Variants in AMPD2 observed in about 807,000 individuals in gnomAD.
AMPD2 encodes adenosine monophosphate deaminase 2, also known as AMP deaminase 2.
AMPD2 carries 52 observed loss-of-function variants against 91.3 expected under a neutral mutation model. The ratio of observed to expected loss-of-function variants is 0.57; its 90% confidence interval spans 0.46 to 0.72. AMPD2 has a LOEUF of 0.72. Among genes scored for constraint, AMPD2 ranks in the 30% least tolerant of loss-of-function variants. The probability of loss-of-function intolerance (pLI) is 0.00; values close to 1 mark genes in which losing one functional copy is unlikely to be tolerated. For synonymous variants in AMPD2, 455 were observed against 456.4 expected (o/e 1.00, Z 0.04); for missense variants, 822 against 1,122.3 (o/e 0.73, Z 3.82).
At chr1:109,629,731 CAG>C (rs1000236889) in intron 15 of AMPD2, 63 bp from the exon 16 acceptor site, 2 of 1,530,940 alleles carry the variant, frequency 1.3e-6, no homozygotes, top group East Asian at 2.3e-5. Flanking sequence ...GGGTGGGGGT[CAG>C]GGGCTCCGGT....
At position 109,628,067 on chromosome 1, in the gene AMPD2, C is replaced by T. The variant is rs750778831; in HGVS notation, c.1081-16C>T. 7 of 1,610,906 alleles carry T rather than the reference C, an allele frequency of 4.3e-6. No homozygotes were observed. In the Admixed American group the frequency reaches 1.2e-4, roughly 27 times the overall value. On this transcript the variant is annotated splice_polypyrimidine_tract_variant and intron_variant, in intron 10 of 18. Transcript: ENST00000528667. The surrounding 1 kb of genome is among the most constrained non-coding windows in gnomAD (Gnocchi z 7.1). ...CCTGGCCTCTGGTGGATCAGCAGTG[C>T]CCTGTTCCATTCCAGGTGGACACCC... is the stretch of plus-strand genomic sequence containing the variant.
chr1:109,625,616 C>A lies in AMPD2; in HGVS notation c.223-46C>A. ...TCCCCAGACTCTGTAGGAGAGTGCC[C>A]GAGGGCGGAGGGCCAGCCATGCTGA... On this transcript the variant is annotated intron_variant, in intron 3 of 18. Transcript: ENST00000528667. This position sits in a 1 kb window ranked among gnomAD's most constrained non-coding sequence, Gnocchi z 4.0. The A allele has an allele frequency of 6.2e-7, 1 of 1,608,762 alleles. No homozygotes were observed. The highest frequency in any genetic ancestry group is 8.5e-7 in the Non-Finnish European group (1 of 1,176,154).
In AMPD2 at chr1:109,625,346, A is replaced by G. The variant is rs781265697; in HGVS notation, c.135A>G (p.Arg45=). The change falls in exon 3 of 19, where the codon CGA becomes CGG. Residue 45 remains arginine, a synonymous_variant. Coordinates refer to ENST00000528667, the MANE Select transcript of AMPD2 (RefSeq NM_001368809.2). The surrounding 1 kb of genome is among the most constrained non-coding windows in gnomAD (Gnocchi z 4.0). ...GLGAPPLQSA[R]SLPGPAPCLK... ...GGGCCCCTCCGCTGCAGTCTGCCCG[A>G]TCCCTGCCGGGCCCCGCCCCCTGCC... 3 of 1,613,214 alleles carry G rather than the reference A, an allele frequency of 1.9e-6. No homozygotes were observed. Among genetic ancestry groups the G allele is most frequent in the East Asian group, 4.5e-5 (2 of 44,832 alleles).
intron 15 of AMPD2, 25 bp from the exon 16 acceptor site, chr1:109,629,771 C>T (rs758086521): frequency 6.4e-7 from 1 of 1,566,004 alleles, no homozygotes; most frequent in Non-Finnish European, 8.7e-7. Context: ...GGCTCAGGAG[C>T]TGACACTGTC....
chr1:109,625,019 G>A lies in AMPD2; in HGVS notation c.92-284G>A, dbSNP rs140045578. 5.1e-4 allele frequency among the ~76,000 whole-genome samples: 77 copies of A among 152,280 alleles called. No homozygotes were observed. Among genetic ancestry groups the A allele is most frequent in the African/African-American group, 1.8e-3 (75 of 41,538 alleles). ...ACGTGGAGATTCTCATGGCCTGAGG[G>A]ATCAGGCTCTAGTCTCATTTGTGGA... On this transcript the variant is annotated intron_variant, in intron 2 of 18. Transcript: ENST00000528667. The surrounding 1 kb of genome is among the most constrained non-coding windows in gnomAD (Gnocchi z 4.0).
intron 18 of AMPD2, 35 bp from the exon 19 acceptor site, chr1:109,630,908 G>A (rs1052497879): frequency 6.2e-7 from 1 of 1,611,460 alleles, no homozygotes; most frequent in Non-Finnish European, 8.5e-7. Context: ...CTCAGCACTG[G>A]CTGCAGCCCT....
intron 2 of AMPD2, chr1:109,622,115 C>A (rs1051834748): frequency 2.3e-6 from 1 of 437,662 alleles, no homozygotes; most frequent in Non-Finnish European, 4.6e-6. Context: ...TGCCGACTGC[C>A]CCCACCCTTG....
rs1650655633 is a variant in AMPD2, at chr1:109,626,100, AC to A, written c.354-58del. 4 of 1,579,492 alleles carry A rather than the reference AC, an allele frequency of 2.5e-6. No individual in the cohort carries two copies. The East Asian group carries it at 9.0e-5, about 35-fold the overall frequency. On this transcript the variant is annotated intron_variant, in intron 4 of 18. Coordinates refer to ENST00000528667, the MANE Select transcript of AMPD2 (RefSeq NM_001368809.2). ...GCACAGCACCTAGTGCGGTGCTGGG[AC>A]CTGGGAGCAAGGGCCGTCCCTCGGG... is the stretch of plus-strand genomic sequence containing the variant.
Position 109,627,769 on chromosome 1 carries a change from C to T in AMPD2, c.951-5C>T, listed in dbSNP as rs778574749. 14 of 1,613,794 alleles carry T rather than the reference C, an allele frequency of 8.7e-6. No individual in the cohort carries two copies. The South Asian group carries it at 1.3e-4, about 15-fold the overall frequency. ...AAGTCCCTGCCTTGTTCTCCTCATG[C>T]CCAGAAAGTCATTCTGCTACCGCCG... is the stretch of plus-strand genomic sequence containing the variant. On this transcript the variant is annotated splice_polypyrimidine_tract_variant and splice_region_variant and intron_variant, in intron 9 of 18. Transcript: ENST00000528667.
At position 109,630,691 on chromosome 1, in the gene AMPD2, G is replaced by A; in HGVS notation, c.2166G>A (p.Leu722=). The stretch of plus-strand genomic sequence containing the variant: ...GAACCTGGCCCGTGCAGGAGCCGCT[G>A]ATGGAGGAGTACAGCATCGCCACCC... ...PLQFHFTKEP[L]MEEYSIATQV... Residue 722 remains leucine (L), a synonymous_variant, in exon 18 of 19, where the codon CTG becomes CTA. Transcript: ENST00000528667. 1.2e-6 allele frequency: 2 copies of A among 1,611,228 alleles called. No individual in the cohort carries two copies. Among genetic ancestry groups the A allele is most frequent in the Non-Finnish European group, 1.7e-6 (2 of 1,179,142 alleles).
rs1255257133 is a variant in AMPD2 at position 109,627,312 on chromosome 1, G to A, written c.856G>A (p.Glu286Lys). ...VHVYTRREPD[E>K]HCSEVELPYP... ...CGTCTACACCCGCAGGGAACCCGAC[G>A]AGCAGTAAGAGGGGTGTGGTGCATG... Residue 286 changes from glutamate to lysine, a missense_variant, in exon 8 of 19, where the codon GAG becomes AAG. Physicochemically the swap from Glu to Lys is moderately conservative, Grantham distance 56. This residue lies in a region of AMPD2 where 240 missense variants were observed against 270.3 expected (regional missense o/e 0.89). Coordinates refer to ENST00000528667, the MANE Select transcript of AMPD2 (RefSeq NM_001368809.2). 2 of 1,604,686 alleles carry A rather than the reference G, an allele frequency of 1.2e-6. No homozygotes were observed. Among genetic ancestry groups the A allele is most frequent in the East Asian group, 4.5e-5 (2 of 44,686 alleles).
chr1:109,628,069 C>T lies in AMPD2; in HGVS notation c.1081-14C>T. 1 of 1,611,584 alleles carries T rather than the reference C, an allele frequency of 6.2e-7. No individual in the cohort carries two copies. The highest frequency in any genetic ancestry group is 8.5e-7 in the Non-Finnish European group (1 of 1,178,596). On this transcript the variant is annotated splice_polypyrimidine_tract_variant and intron_variant, in intron 10 of 18. Transcript: ENST00000528667. The surrounding 1 kb of genome is among the most constrained non-coding windows in gnomAD (Gnocchi z 7.1). The stretch of plus-strand genomic sequence containing the variant: ...TGGCCTCTGGTGGATCAGCAGTGCC[C>T]TGTTCCATTCCAGGTGGACACCCAC...
At chr1:109,630,150 T>G in intron 16 of AMPD2, 83 bp from the exon 17 acceptor site, 2 of 1,487,560 alleles carry the variant, frequency 1.3e-6, no homozygotes, top group Non-Finnish European at 1.9e-6. Flanking sequence ...TGCCCTCTGC[T>G]GTGGCCTGGA....
In AMPD2 at chr1:109,630,225, C is replaced by T. The variant is rs953649597; in HGVS notation, c.1984-8C>T. On this transcript the variant is annotated splice_region_variant and splice_polypyrimidine_tract_variant and intron_variant, in intron 16 of 18. Transcript: ENST00000528667. ...CTGACAGGCCCTCCCTCCCTGTTGC[C>T]TGCCCAGGCCCCCGTCCTGCAGTAC... 1.2e-5 allele frequency: 20 copies of T among 1,611,424 alleles called. No individual in the cohort carries two copies. Among genetic ancestry groups the T allele is most frequent in the Non-Finnish European group, 1.7e-5 (20 of 1,179,996 alleles).
rs112705694 is a variant in AMPD2 at position 109,626,299 on chromosome 1, C to T, written c.423-20C>T. The T allele has an allele frequency of 1.2e-5, 20 of 1,613,066 alleles. No homozygotes were observed. Among genetic ancestry groups the T allele is most frequent in the Middle Eastern group, 1.7e-4 (1 of 6,058 alleles). On this transcript the variant is annotated intron_variant, in intron 5 of 18. Transcript: ENST00000528667. ...CCTTCTGCCGGCTCTAAACCCCTCC[C>T]TTGAATGCACCCCCTGCAGGCTCTA...
chr1:109,630,913 A>T, intron 18 of AMPD2, 30 bp from the exon 19 acceptor site: 2 of 1,612,052 alleles, frequency 1.2e-6, no homozygotes, highest in Non-Finnish European at 8.5e-7. Context: ...CACTGGCTGC[A>T]GCCCTGCCCA....
rs955796743 is a variant in AMPD2, at chr1:109,626,000, T to G, written c.354-160T>G. 2.8e-5 allele frequency: 32 copies of G among 1,125,700 alleles called. No individual in the cohort carries two copies. The highest frequency in any genetic ancestry group is 3.7e-5 in the Non-Finnish European group (29 of 776,498). 69.7% of individuals were successfully genotyped at this position (1,125,700 alleles called of 1,614,324 possible). A position where few individuals can be genotyped will look rare whatever the true frequency, so the allele number is the denominator to read the frequency against. ...TGTTGCTTAACTTATGGGTCTGCTT[T>G]CTCATCTCTAAAGTGAGTGAGAACA... On this transcript the variant is annotated intron_variant, in intron 4 of 18. Transcript: ENST00000528667. This position sits in a 1 kb window ranked among gnomAD's most constrained non-coding sequence, Gnocchi z 4.0.
Position 109,621,024 on chromosome 1 carries a change from G to T in AMPD2, c.-152G>T, listed in dbSNP as rs775628427. 3 of 1,591,248 alleles carry T rather than the reference G, an allele frequency of 1.9e-6. No individual in the cohort carries two copies. The African/African-American group carries it at 4.0e-5, about 21-fold the overall frequency. On this transcript the variant is annotated 5_prime_UTR_variant, in exon 2 of 19. Coordinates refer to ENST00000528667, the MANE Select transcript of AMPD2 (RefSeq NM_001368809.2). ...GGTTGCCTAGACAACATGAGAAATC[G>T]TGGCCAGGGCCTCTTCCGCCTGCGG...
rs767362652 is a variant in AMPD2, at chr1:109,629,407, G to C, written c.1779G>C (p.Ala593=). ...VFNLESPLPE[A]WVEEDNPPYA... ...ACCTGGAGAGCCCCCTGCCTGAGGCGTGGGTGGAGGAGGACAACCCACCCT... is the reference window on the plus strand; with the variant it reads ...ACCTGGAGAGCCCCCTGCCTGAGGCCTGGGTGGAGGAGGACAACCCACCCT... The change falls in exon 15 of 19, where the codon GCG becomes GCC. Residue 593 remains alanine (A), a synonymous_variant. Transcript: ENST00000528667. 3 of 1,614,080 alleles carry C rather than the reference G, an allele frequency of 1.9e-6. No homozygotes were observed. The highest frequency in any genetic ancestry group is 1.7e-6 in the Non-Finnish European group (2 of 1,179,996).
Sources: allele counts gnomAD v4.1 joint callset (sites outside exome capture counted in the v4.1 genomes callset), GRCh38; gene constraint gnomAD v4.1.1; regional missense constraint gnomAD v4.1.1; non-coding constraint Gnocchi (gnomAD v3.1); transcripts MANE v1.5; gene names NCBI Gene and HGNC (gene_info 2026-07-23, HGNC 2026-07-21).